Variants in CAST observed in about 807,000 individuals in gnomAD.
CAST encodes calpastatin.
Under a neutral mutation model 119.6 loss-of-function variants are expected in CAST, and 76 were observed. The ratio of observed to expected loss-of-function variants is 0.64; its 90% CI spans 0.53 to 0.77. The LOEUF is 0.77. Ranked by LOEUF, CAST falls within the 30% of genes least tolerant of loss-of-function variation. The pLI, the probability that CAST is intolerant of heterozygous loss-of-function variation, is 0.00. For missense variants in CAST, 953 were observed against 946.5 expected (o/e 1.01, Z -0.09); for synonymous variants, 319 against 331.6 (o/e 0.96, Z 0.41).
the CAST span, among the ~76,000 whole-genome samples, chr5:96,472,381 G>A: frequency 6.6e-6 from 1 of 152,104 alleles, no homozygotes; most frequent in Non-Finnish European, 1.5e-5. Flanking sequence ...CTCTTTGGGG[G>A]GCAAGTATTG....
At chr5:96,040,892 A>T in the CAST span, among the ~76,000 whole-genome samples, 1 of 152,150 alleles carries the variant, frequency 6.6e-6, no homozygotes, top group South Asian at 2.1e-4. Context: ...TCATAAAATG[A>T]GTTAGGCAGG....
At chr5:96,235,981 A>T in the CAST span, among the ~76,000 whole-genome samples, 1 of 152,218 alleles carries the variant, frequency 6.6e-6, no homozygotes, top group East Asian at 1.9e-4. Context: ...AAAATGCTGT[A>T]AAGATCAACA....
the CAST span, among the ~76,000 whole-genome samples, chr5:96,074,867 G>C: frequency 8.0e-4 from 121 of 152,184 alleles, no homozygotes; most frequent in Non-Finnish European, 1.5e-4. Context: ...TTACTCTTCT[G>C]TATCTTGTTT....
At chr5:96,647,230 C>T (rs771200687) in intron 1 of CAST, among the ~76,000 whole-genome samples, 41 of 152,226 alleles carry the variant, frequency 2.7e-4, no homozygotes, top group Non-Finnish European at 4.4e-4. Context: ...CCTTAGGTTT[C>T]GGTATATCGT....
intron 1 of CAST, among the ~76,000 whole-genome samples, chr5:96,648,717 C>CGTGTGTGTGTCTGTGT (rs138871439): frequency 0.046 from 6,809 of 148,886 alleles, 217 homozygotes; most frequent in Middle Eastern, 0.09. Context: ...TATATATATG[C>CGTGTGTGTGTCTGTGT]GTGTGTGTGT....
intron 4 of CAST, among the ~76,000 whole-genome samples, chr5:96,725,432 C>T (rs1208029189): frequency 6.6e-6 from 1 of 152,192 alleles, no homozygotes; most frequent in Non-Finnish European, 1.5e-5. Flanking sequence ...GAACACACAA[C>T]CTCAGGTCCA....
At chr5:96,190,535 G>T in the CAST span, among the ~76,000 whole-genome samples, 4 of 152,018 alleles carry the variant, frequency 2.6e-5, no homozygotes, top group Admixed American at 6.6e-5. Context: ...TCACATGTCC[G>T]CAGGATTCTA....
At chr5:95,990,460 A>C in the CAST span, among the ~76,000 whole-genome samples, 1 of 152,012 alleles carries the variant, frequency 6.6e-6, no homozygotes, top group Non-Finnish European at 1.5e-5. Flanking sequence ...AATATTAAAA[A>C]TATCTTACTG....
intron 1 of CAST, among the ~76,000 whole-genome samples, chr5:96,651,666 C>T (rs536398591): frequency 6.6e-6 from 1 of 152,330 alleles, no homozygotes; most frequent in East Asian, 1.9e-4. Flanking sequence ...CCTCCAAACC[C>T]TGAGCTTTCA....
intron 3 of CAST, among the ~76,000 whole-genome samples, chr5:96,711,254 G>A (rs1238132994): frequency 6.6e-6 from 1 of 151,942 alleles, no homozygotes; most frequent in Non-Finnish European, 1.5e-5. Context: ...CTATATATAG[G>A]TCAATGAACT....
chr5:96,288,878 G>A, the CAST span, among the ~76,000 whole-genome samples: 1 of 152,016 alleles, frequency 6.6e-6, no homozygotes, highest in African/African-American at 2.4e-5. Flanking sequence ...AGGAAATATG[G>A]TAGTTGAAGA....
the CAST span, among the ~76,000 whole-genome samples, chr5:96,166,769 A>G: frequency 3.3e-5 from 5 of 152,156 alleles, no homozygotes; most frequent in Admixed American, 3.3e-4. Context: ...ATCCTCACTC[A>G]TGAATTCAGA....
the CAST span, among the ~76,000 whole-genome samples, chr5:96,131,700 G>A: frequency 6.6e-6 from 1 of 152,116 alleles, no homozygotes; most frequent in Non-Finnish European, 1.5e-5. Context: ...AATGAGCCCA[G>A]GAAGTCTGTA....
chr5:96,659,204 T>C (rs1338539021), upstream of CAST, among the ~76,000 whole-genome samples: 2 of 152,196 alleles, frequency 1.3e-5, no homozygotes, highest in Non-Finnish European at 2.9e-5. Flanking sequence ...GTTGAGGTGT[T>C]GCAAGAATTA....
At chr5:96,276,479 T>C in the CAST span, among the ~76,000 whole-genome samples, 1 of 152,198 alleles carries the variant, frequency 6.6e-6, no homozygotes, top group Non-Finnish European at 1.5e-5. Flanking sequence ...AAAATGTTAT[T>C]ACCTTTCACT....
chr5:96,094,378 A>G, the CAST span, among the ~76,000 whole-genome samples: 1,066 of 152,144 alleles, frequency 7.0e-3, 8 homozygotes, highest in African/African-American at 0.025. Context: ...AAATTTAAGA[A>G]GATTCTAGGG....
chr5:96,757,350 T>G, intron 22 of CAST, 94 bp from the exon 23 acceptor site: 1 of 1,106,744 alleles, frequency 9.0e-7, no homozygotes, highest in Non-Finnish European at 1.4e-6. Context: ...CAACAGCAAG[T>G]ATAACCTGTA....
At chr5:96,469,797 AGAGAGAGAGG>A in the CAST span, among the ~76,000 whole-genome samples, 44 of 150,042 alleles carry the variant, frequency 2.9e-4, no homozygotes, top group African/African-American at 9.7e-4. Flanking sequence ...AAGGGAGAAG[AGAGAGAGAGG>A]GAGAGAGAGG....
chr5:96,623,226 G>T (rs1747655384), intron 1 of CAST, among the ~76,000 whole-genome samples: 1 of 152,010 alleles, frequency 6.6e-6, no homozygotes, highest in Non-Finnish European at 1.5e-5. Context: ...GTGTCTTAGT[G>T]ACAGGTCACA....
Sources: allele counts gnomAD v4.1 joint callset (sites outside exome capture counted in the v4.1 genomes callset), GRCh38; gene constraint gnomAD v4.1.1; transcripts MANE v1.5; gene names NCBI Gene and HGNC (gene_info 2026-07-23, HGNC 2026-07-21).